The following CHD6 variants were observed in gnomAD, a reference collection of about 807,000 sequenced individuals.
CHD6 encodes ATP-dependent chromatin remodeler CHD6.
In CHD6, 50 loss-of-function variants were observed where a neutral mutation model predicts 276.9. That is an observed-to-expected ratio of 0.18 (90% CI 0.14 to 0.23). CHD6 has a LOEUF of 0.23. Among genes scored for constraint, CHD6 ranks in the 10% least tolerant of loss-of-function variants. The pLI is 1.00. For synonymous variants in CHD6, 1,173 were observed against 1,229.3 expected (o/e 0.95, Z 0.96); for missense variants, 2,564 against 3,365.8 (o/e 0.76, Z 5.89).
At chr20:41,496,205 G>C (rs1223546971) in intron 8 of CHD6, among the ~76,000 whole-genome samples, 4 of 152,182 alleles carry the variant, frequency 2.6e-5, no homozygotes, top group African/African-American at 4.8e-5. Context: ...GTAGTTAATT[G>C]AACTGGCAAT....
At position 41,445,721 on chromosome 20, in the gene CHD6, A is replaced by C. The variant is rs1344015615; in HGVS notation, c.3821T>G (p.Val1274Gly). 5.6e-6 allele frequency: 9 copies of C among 1,613,886 alleles called. No individual in the cohort carries two copies. Among genetic ancestry groups the C allele is most frequent in the Non-Finnish European group, 7.6e-6 (9 of 1,179,806 alleles). Reference protein sequence around the residue: ...LPDIDYMEIPVDWWDAEADKS... With the variant: ...LPDIDYMEIPGDWWDAEADKS... ...ATCGGCTTCAGCATCCCACCAGTCC[A>C]CTGGGATCTCCATGTAGTCGATGTC... Residue 1274 changes from valine to glycine, a missense_variant, in exon 25 of 37, where the codon GTG (valine) becomes GGG (glycine). Val to Gly is a moderately radical substitution (Grantham distance 109). This residue lies in a region of CHD6 where 515 missense variants were observed against 739.5 expected (regional missense o/e 0.70). Transcript: ENST00000373233.
intron 17 of CHD6, among the ~76,000 whole-genome samples, chr20:41,465,244 TG>T (rs2145738414): frequency 6.6e-6 from 1 of 152,356 alleles, no homozygotes; most frequent in African/African-American, 2.4e-5. Flanking sequence ...AGTTATTTTA[TG>T]GTGGAGAAAC....
intron 33 of CHD6, among the ~76,000 whole-genome samples, chr20:41,415,997 A>G (rs1013041464): frequency 2.0e-5 from 3 of 152,076 alleles, no homozygotes; most frequent in African/African-American, 7.2e-5. Context: ...CCCAGGACAC[A>G]CTCCAGACTG....
chr20:41,508,989 T>C (rs7267631), intron 5 of CHD6, among the ~76,000 whole-genome samples: 4 of 152,148 alleles, frequency 2.6e-5, no homozygotes, highest in Non-Finnish European at 5.9e-5. Flanking sequence ...ACTAATTAGG[T>C]CTTTATACTA....
chr20:41,581,825 T>C (rs1160553395), intron 1 of CHD6, among the ~76,000 whole-genome samples: 1 of 152,206 alleles, frequency 6.6e-6, no homozygotes, highest in Non-Finnish European at 1.5e-5. Context: ...ATAGCCAGCA[T>C]TGTGCTAGTA....
At chr20:41,611,728 C>T (rs1763504347) in intron 1 of CHD6, among the ~76,000 whole-genome samples, 1 of 152,120 alleles carries the variant, frequency 6.6e-6, no homozygotes, top group Non-Finnish European at 1.5e-5. Flanking sequence ...ACCTCCGCCT[C>T]CCCGGTTCAA....
intron 8 of CHD6, among the ~76,000 whole-genome samples, chr20:41,494,650 G>A (rs561183251): frequency 6.6e-6 from 1 of 152,148 alleles, no homozygotes; most frequent in East Asian, 1.9e-4. Context: ...TAACTGGACC[G>A]TTCACCCAGG....
At chr20:41,478,650 G>A (rs1191407137) in intron 16 of CHD6, among the ~76,000 whole-genome samples, 2 of 152,142 alleles carry the variant, frequency 1.3e-5, no homozygotes, top group Non-Finnish European at 2.9e-5. Flanking sequence ...CAAGTTTCTG[G>A]CTGACTTCTG....
intron 36 of CHD6, 23 bp downstream of exon 36, chr20:41,412,121 A>G (rs756711013): frequency 1.2e-5 from 20 of 1,612,568 alleles, no homozygotes; most frequent in Non-Finnish European, 1.6e-5. Flanking sequence ...CTGGCCCCAC[A>G]CTCACGTGGC....
chr20:41,553,336 C>T (rs6102461), intron 1 of CHD6, among the ~76,000 whole-genome samples: 1 of 152,046 alleles, frequency 6.6e-6, no homozygotes, highest in East Asian at 1.9e-4. Context: ...TTAAAGACTA[C>T]CTTTCTTCAA....
intron 17 of CHD6, among the ~76,000 whole-genome samples, chr20:41,465,933 G>C (rs1569108827): frequency 1.3e-5 from 2 of 152,182 alleles, no homozygotes; most frequent in African/African-American, 4.8e-5. Flanking sequence ...GGCCGGGCGT[G>C]GTGGGTCACG....
At chr20:41,409,280 C>T (rs1161387907) in intron 36 of CHD6, among the ~76,000 whole-genome samples, 9 of 152,168 alleles carry the variant, frequency 5.9e-5, no homozygotes, top group African/African-American at 2.2e-4. Flanking sequence ...AGCGGCCAGG[C>T]GGGCTTTGGC....
At chr20:41,443,176 G>A (rs2047952408) in intron 25 of CHD6, among the ~76,000 whole-genome samples, 1 of 152,182 alleles carries the variant, frequency 6.6e-6, no homozygotes, top group Admixed American at 6.5e-5. Context: ...TCACAGGTGT[G>A]ATCAGCAAAC....
chr20:41,430,983 GCCA>G (rs2047520678), intron 27 of CHD6, among the ~76,000 whole-genome samples: 1 of 151,088 alleles, frequency 6.6e-6, no homozygotes. Context: ...ACAGGCGCAT[GCCA>G]CCACACCTGG....
chr20:41,491,764 T>C lies in CHD6; in HGVS notation c.1370A>G (p.Asn457Ser), dbSNP rs1175336759. 2 of 1,613,938 alleles carry C rather than the reference T, an allele frequency of 1.2e-6. No individual in the cohort carries two copies. The highest frequency in any genetic ancestry group is 4.5e-5 in the East Asian group (2 of 44,860). ...CTGGTACTCCCGGAGCTGGTTACTG[T>C]TCTTATACTCGCGAGACTTCTCAAG... is the stretch of plus-strand genomic sequence containing the variant. ...QKLEKSREYK[N>S]SNQLREYQLE... Residue 457 changes from asparagine (N) to serine (S), a missense_variant, in exon 11 of 37, where the codon AAC becomes AGC. Physicochemically the swap from Asn to Ser is conservative, Grantham distance 46. This residue lies in a region of CHD6 where 457 missense variants were observed against 889.0 expected (regional missense o/e 0.51). Transcript: ENST00000373233.
intron 1 of CHD6, among the ~76,000 whole-genome samples, chr20:41,587,864 T>C (rs1482760325): frequency 4.6e-5 from 7 of 151,926 alleles, no homozygotes; most frequent in South Asian, 4.2e-4. Context: ...CTGGGCAAAA[T>C]AGACTCTCTC....
chr20:41,410,622 C>T (rs190919566), intron 36 of CHD6, among the ~76,000 whole-genome samples: 10 of 152,170 alleles, frequency 6.6e-5, no homozygotes, highest in Admixed American at 3.9e-4. Flanking sequence ...AAAGGGCCTC[C>T]GAGGCAGGGA....
Position 41,459,139 on chromosome 20 carries a change from C to T in CHD6, c.2665-1711G>A, listed in dbSNP as rs557372658. Among the ~76,000 whole-genome samples, 8 of 152,258 alleles carry T rather than the reference C, an allele frequency of 5.3e-5. No homozygotes were observed. The South Asian group carries it at 1.7e-3, about 32-fold the overall frequency. On this transcript the variant is annotated intron_variant, in intron 17 of 36. Coordinates refer to ENST00000373233, the MANE Select transcript of CHD6 (RefSeq NM_032221.5). ...CCTATGTTTGCCCATAAGGGACTCA[C>T]CCAGTGCCAGAATCCCTGGATATGG... is the stretch of plus-strand genomic sequence containing the variant.
At chr20:41,423,388 T>A (rs564988815) in intron 30 of CHD6, 104 bp downstream of exon 30, 24 of 1,059,460 alleles carry the variant, frequency 2.3e-5, no homozygotes, top group Non-Finnish European at 3.0e-5. Context: ...AAATTCCTCA[T>A]GTAGACTCTA....
Sources: gnomAD v4.1 joint callset for allele counts (sites outside exome capture counted in the v4.1 genomes callset) on GRCh38, gnomAD v4.1.1 for gene constraint, gnomAD v4.1.1 regional missense constraint, MANE v1.5 for transcripts, NCBI Gene and HGNC (gene_info 2026-07-23, HGNC 2026-07-21) for gene names.